The following TAOK3 variants were observed in gnomAD, a reference collection of about 807,000 sequenced individuals.
The protein encoded by TAOK3 is TAO kinase 3.
Under a neutral mutation model 120.4 loss-of-function variants are expected in TAOK3, and 40 were observed. That is an observed-to-expected ratio of 0.33 (90% CI 0.26 to 0.43). TAOK3 has a LOEUF of 0.43. Among genes scored for constraint, TAOK3 ranks in the 20% least tolerant of loss-of-function variants. The pLI, the probability that TAOK3 is intolerant of heterozygous loss-of-function variation, is 1.00. For synonymous variants in TAOK3, 355 were observed against 387.5 expected, an observed-to-expected ratio of 0.92 and a Z score of 0.99; for missense variants, 821 against 1,112.1, an observed-to-expected ratio of 0.74 and a Z score of 3.72.
In TAOK3 at chr12:118,152,311, C is replaced by G; in HGVS notation, c.2451G>C (p.Lys817Asn). ...GTTCATGTTGTGCCTCTGTTTGCAT[C>G]TTGATTTTGCTCTGGTAGGCGTTGA... The part of the protein sequence containing the change: ...ELLNAYQSKI[K>N]MQTEAQHERE... The change falls in exon 20 of 21, where the codon AAG becomes AAC. Residue 817 changes from lysine to asparagine, a missense_variant. This residue lies in a region of TAOK3 where 354 missense variants were observed against 572.1 expected (regional missense o/e 0.62). Transcript: ENST00000392533. 1 of 1,614,194 alleles carries G rather than the reference C, an allele frequency of 6.2e-7. No individual in the cohort carries two copies. Among genetic ancestry groups the G allele is most frequent in the Non-Finnish European group, 8.5e-7 (1 of 1,180,034 alleles).
intron 11 of TAOK3, among the ~76,000 whole-genome samples, chr12:118,206,033 G>C (rs2038288969): frequency 1.3e-5 from 2 of 152,172 alleles, no homozygotes; most frequent in South Asian, 4.1e-4. Context: ...TGGCCAGTGA[G>C]AGGTAGGCAG....
At chr12:118,360,792 T>C (rs943883482) in intron 1 of TAOK3, among the ~76,000 whole-genome samples, 2 of 152,200 alleles carry the variant, frequency 1.3e-5, no homozygotes, top group African/African-American at 4.8e-5. Context: ...ATTTGGAAAC[T>C]CATTTGTAGT....
chr12:118,315,633 G>A (rs779381747), intron 1 of TAOK3, among the ~76,000 whole-genome samples: 4 of 152,030 alleles, frequency 2.6e-5, no homozygotes, highest in Non-Finnish European at 4.4e-5. Context: ...CTGAGAGATA[G>A]GATCATGGAT....
chr12:118,313,190 T>C (rs1960328108), intron 1 of TAOK3, among the ~76,000 whole-genome samples: 1 of 152,160 alleles, frequency 6.6e-6, no homozygotes, highest in Non-Finnish European at 1.5e-5. Flanking sequence ...AGGCAAGACA[T>C]TACAGAAGAC....
At chr12:118,269,883 T>C (rs1198275187) in intron 1 of TAOK3, among the ~76,000 whole-genome samples, 2 of 152,194 alleles carry the variant, frequency 1.3e-5, no homozygotes, top group Admixed American at 1.3e-4. Context: ...CTAAAGGATA[T>C]TTTCAATTTT....
chr12:118,239,538 G>T lies in TAOK3; in HGVS notation c.295-266C>A, dbSNP rs187657991. Among the ~76,000 whole-genome samples, 6 of 152,330 alleles carry T rather than the reference G, an allele frequency of 3.9e-5. 1 individual carries two copies. Among genetic ancestry groups the T allele is most frequent in the African/African-American group, 1.4e-4 (6 of 41,580 alleles). On this transcript the variant is annotated intron_variant, in intron 5 of 20. Transcript: ENST00000392533. ...TATTCACTATAAATGGTGAAGCCAA[G>T]ATTGCCAATTTATTTATTAACTCCT...
Position 118,371,951 on chromosome 12 carries a change from G to A in TAOK3, c.-194+697C>T. On this transcript the variant is annotated intron_variant, in intron 1 of 20. Coordinates refer to ENST00000392533, the MANE Select transcript of TAOK3 (RefSeq NM_016281.4). This position sits in a 1 kb window ranked among gnomAD's most constrained non-coding sequence, Gnocchi z 5.5. ...CACCCTGCTCCCACCCGCTGTCCCG[G>A]CCTCTCTCTAGGTGTCCTGCTCTCA... Among the ~76,000 whole-genome samples, 1 of 150,614 alleles carries A rather than the reference G, an allele frequency of 6.6e-6. No individual in the cohort carries two copies. Among genetic ancestry groups the A allele is most frequent in the South Asian group, 2.1e-4 (1 of 4,758 alleles).
At chr12:118,368,546 C>T (rs1417376377) in intron 1 of TAOK3, among the ~76,000 whole-genome samples, 1 of 148,454 alleles carries the variant, frequency 6.7e-6, no homozygotes, top group African/African-American at 2.4e-5. Context: ...TGGCTCACGC[C>T]TGTAATCCCA....
chr12:118,348,382 G>A (rs1236124699), intron 1 of TAOK3, among the ~76,000 whole-genome samples: 11 of 152,140 alleles, frequency 7.2e-5, no homozygotes, highest in Admixed American at 6.5e-4. Flanking sequence ...TATTCATCTG[G>A]AATTAAAGAC....
In TAOK3 at chr12:118,235,286, C is replaced by A. The variant is rs79354945; in HGVS notation, c.551+272G>T. ...GTTCAAAAGAAACTGCAAATGAAAT[C>A]GAAAACCTGAACTTGGTCAGTGAAT... On this transcript the variant is annotated intron_variant, in intron 8 of 20. Coordinates refer to ENST00000392533, the MANE Select transcript of TAOK3 (RefSeq NM_016281.4). Among the ~76,000 whole-genome samples the A allele has an allele frequency of 3.7e-3, 556 of 152,240 alleles. 3 individuals are homozygous for A. Among genetic ancestry groups the A allele is most frequent in the African/African-American group, 0.012 (512 of 41,554 alleles).
intron 1 of TAOK3, among the ~76,000 whole-genome samples, chr12:118,299,395 G>A (rs956356348): frequency 6.6e-6 from 1 of 152,100 alleles, no homozygotes; most frequent in African/African-American, 2.4e-5. Flanking sequence ...TATACCCTTT[G>A]AAGGCATAAA....
chr12:118,342,315 A>C (rs1456372960), intron 1 of TAOK3, among the ~76,000 whole-genome samples: 3 of 152,212 alleles, frequency 2.0e-5, no homozygotes, highest in Non-Finnish European at 2.9e-5. Flanking sequence ...TGTAAGTATG[A>C]TCAGGAAAAG....
At position 118,150,572 on chromosome 12, in the gene TAOK3, GTCTC is replaced by G. The variant is rs2034320545; in HGVS notation, c.*421_*424del. 1 of 153,722 alleles carries G rather than the reference GTCTC, an allele frequency of 6.5e-6. No individual in the cohort carries two copies. 9.5% of individuals were successfully genotyped at this position (153,722 alleles called of 1,614,324 possible). ...TAAGGTGTAAGGCTGCGGATATTGT[GTCTC>G]TCTCCCCCTTGGCATTTATTATTAT... On this transcript the variant is annotated 3_prime_UTR_variant, in exon 21 of 21. Coordinates refer to ENST00000392533, the MANE Select transcript of TAOK3 (RefSeq NM_016281.4).
intron 15 of TAOK3, among the ~76,000 whole-genome samples, chr12:118,178,989 T>C (rs2036524226): frequency 6.6e-6 from 1 of 152,324 alleles, no homozygotes; most frequent in Non-Finnish European, 1.5e-5. Context: ...CTTTTTCACC[T>C]GCAACTTCCA....
At chr12:118,154,380 G>A (rs2034659771) in intron 19 of TAOK3, among the ~76,000 whole-genome samples, 1 of 152,178 alleles carries the variant, frequency 6.6e-6, no homozygotes, top group Non-Finnish European at 1.5e-5. Context: ...CTAGAAATCA[G>A]AGGATATTCC....
At chr12:118,360,629 T>C (rs1030393668) in intron 1 of TAOK3, among the ~76,000 whole-genome samples, 11 of 151,920 alleles carry the variant, frequency 7.2e-5, no homozygotes, top group Non-Finnish European at 1.6e-4. Context: ...AATTGGCTTC[T>C]ATGTGCAGGG....
At chr12:118,166,830 A>G (rs2035620897) in intron 17 of TAOK3, among the ~76,000 whole-genome samples, 1 of 120,730 alleles carries the variant, frequency 8.3e-6, no homozygotes, top group Non-Finnish European at 1.7e-5. Flanking sequence ...ATATATATAC[A>G]CACACACACA....
chr12:118,235,708 T>C, intron 7 of TAOK3, 37 bp from the exon 8 acceptor site: 1 of 1,395,526 alleles, frequency 7.2e-7, no homozygotes, highest in Non-Finnish European at 1.0e-6. Context: ...AAATTACTTT[T>C]CAATTTTGAT....
intron 20 of TAOK3, among the ~76,000 whole-genome samples, chr12:118,151,815 T>A (rs921517936): frequency 3.3e-5 from 5 of 152,196 alleles, no homozygotes; most frequent in African/African-American, 1.2e-4. Context: ...AATTTTTTTT[T>A]AAACAGCCCT....
Sources: gnomAD v4.1 joint callset for allele counts (sites outside exome capture counted in the v4.1 genomes callset) on GRCh38, gnomAD v4.1.1 for gene constraint, gnomAD v4.1.1 regional missense constraint, Gnocchi (gnomAD v3.1) non-coding constraint, MANE v1.5 for transcripts, NCBI Gene and HGNC (gene_info 2026-07-23, HGNC 2026-07-21) for gene names.